TNKS: variants seen among roughly 807,000 people sequenced by gnomAD.
TNKS encodes the protein poly [ADP-ribose] polymerase tankyrase-1.
TNKS carries 72 observed loss-of-function variants against 135.8 expected under a neutral mutation model. That is an observed-to-expected ratio of 0.53 (90% CI 0.44 to 0.64). TNKS has a LOEUF of 0.64. TNKS is among the 30% of genes least tolerant of loss of function. TNKS has a pLI of 0.00. For missense variants in TNKS, 1,769 were observed against 1,674.0 expected, an observed-to-expected ratio of 1.06 and a Z score of -0.99; for synonymous variants, 849 against 649.3, an observed-to-expected ratio of 1.31 and a Z score of -4.68.
At chr8:9,748,853 T>C (rs376193060) in intron 18 of TNKS, among the ~76,000 whole-genome samples, 1 of 152,210 alleles carries the variant, frequency 6.6e-6, no homozygotes, top group East Asian at 1.9e-4. Flanking sequence ...TGGTCTTACC[T>C]GGGGTCACTT....
At chr8:9,565,165 G>T (rs1797477317) in intron 1 of TNKS, among the ~76,000 whole-genome samples, 1 of 152,080 alleles carries the variant, frequency 6.6e-6, no homozygotes. Flanking sequence ...ATCTTGTTTT[G>T]CCAGTTTGTT....
intron 20 of TNKS, among the ~76,000 whole-genome samples, chr8:9,755,161 T>A (rs1806767930): frequency 6.6e-6 from 1 of 152,256 alleles, no homozygotes; most frequent in Non-Finnish European, 1.5e-5. Context: ...GTGTTCTTTT[T>A]AAATTTATAT....
chr8:9,772,262 T>TG (rs1292880280), intron 26 of TNKS: 9 of 405,492 alleles, frequency 2.2e-5, no homozygotes, highest in African/African-American at 6.3e-5. Flanking sequence ...CAAAGGGGGC[T>TG]GGGGGGAGGA....
At chr8:9,764,299 A>G (rs1807308684) in intron 22 of TNKS, among the ~76,000 whole-genome samples, 2 of 152,032 alleles carry the variant, frequency 1.3e-5, no homozygotes, top group African/African-American at 4.8e-5. Flanking sequence ...GCTGAAGACT[A>G]TTGAGATAAT....
intron 15 of TNKS, among the ~76,000 whole-genome samples, chr8:9,734,264 C>T (rs752542572): frequency 1.3e-5 from 2 of 151,890 alleles, no homozygotes; most frequent in Non-Finnish European, 2.9e-5. Context: ...AGTCTGTGGC[C>T]GACCCATAAT....
chr8:9,572,544 T>C (rs564251863), intron 1 of TNKS, among the ~76,000 whole-genome samples: 1 of 152,246 alleles, frequency 6.6e-6, no homozygotes, highest in African/African-American at 2.4e-5. Context: ...CTTTCCCTAA[T>C]TCCTAGTTTC....
intron 3 of TNKS, among the ~76,000 whole-genome samples, chr8:9,676,686 C>CTCTCTGTGTGTGTGTGTGTGTGTG (rs1554467464): frequency 8.8e-5 from 13 of 147,786 alleles, no homozygotes; most frequent in African/African-American, 2.8e-4. Flanking sequence ...CTCTCTCTCT[C>CTCTCTGTGTGTGTGTGTGTGTGTG]TGTGTGTGTG....
chr8:9,751,532 T>C lies in TNKS; in HGVS notation c.2833-77T>C, dbSNP rs1423578866. ...TTCATTAAGGAAAAAATCCACAAAGTATTTGGTTATCAGTGAAAAACTTAC... is the reference window on the plus strand; with the variant it reads ...TTCATTAAGGAAAAAATCCACAAAGCATTTGGTTATCAGTGAAAAACTTAC... On this transcript the variant is annotated intron_variant, in intron 18 of 26. Transcript: ENST00000310430. 2.2e-6 allele frequency: 3 copies of C among 1,340,504 alleles called. No homozygotes were observed. The East Asian group carries it at 6.9e-5, about 31-fold the overall frequency. The allele number at this position is 1,340,504 out of a possible 1,614,324, so 83.0% of individuals were successfully genotyped here. A position where few individuals can be genotyped will look rare whatever the true frequency, so the allele number is the denominator to read the frequency against.
At chr8:9,665,334 G>A (rs1585300639) in intron 3 of TNKS, among the ~76,000 whole-genome samples, 1 of 152,216 alleles carries the variant, frequency 6.6e-6, no homozygotes, top group Non-Finnish European at 1.5e-5. Context: ...GCAGGACATT[G>A]CCTTTATCCT....
intron 21 of TNKS, among the ~76,000 whole-genome samples, chr8:9,762,461 T>G (rs1407360716): frequency 6.6e-6 from 1 of 152,128 alleles, no homozygotes; most frequent in Non-Finnish European, 1.5e-5. Context: ...AGGATAATTT[T>G]TATATTTTAG....
intron 3 of TNKS, chr8:9,679,733 T>G (rs933581836): frequency 1.4e-5 from 7 of 499,594 alleles, no homozygotes; most frequent in Non-Finnish European, 2.5e-5. Context: ...CTATTTCATC[T>G]GAGGATTGGA....
At chr8:9,590,634 C>T (rs2128754476) in intron 2 of TNKS, among the ~76,000 whole-genome samples, 1 of 152,280 alleles carries the variant, frequency 6.6e-6, no homozygotes, top group East Asian at 1.9e-4. Context: ...GCCAGAACCT[C>T]AGTGTGGTTT....
At chr8:9,621,506 A>G (rs1004743900) in intron 3 of TNKS, among the ~76,000 whole-genome samples, 11 of 152,102 alleles carry the variant, frequency 7.2e-5, no homozygotes, top group Non-Finnish European at 1.2e-4. Context: ...GGGTTTCACT[A>G]TGTTGGTCAG....
intron 3 of TNKS, among the ~76,000 whole-genome samples, chr8:9,629,046 T>G (rs1800179134): frequency 6.6e-6 from 1 of 152,258 alleles, no homozygotes; most frequent in African/African-American, 2.4e-5. Flanking sequence ...TCCATTTTTC[T>G]TAGTTGTTGT....
At chr8:9,674,490 T>C (rs972783687) in intron 3 of TNKS, among the ~76,000 whole-genome samples, 2 of 152,204 alleles carry the variant, frequency 1.3e-5, no homozygotes, top group South Asian at 2.1e-4. Flanking sequence ...TAACTTCTTA[T>C]ATGCTCATTA....
At chr8:9,580,055 C>CTACTCTAT in intron 1 of TNKS, 104 bp from the exon 2 acceptor site, 2 of 874,336 alleles carry the variant, frequency 2.3e-6, no homozygotes, top group Admixed American at 4.0e-5. Context: ...CTATAGAGTG[C>CTACTCTAT]AGTACTTCAG....
At chr8:9,713,907 C>G (rs1389008902) in intron 11 of TNKS, among the ~76,000 whole-genome samples, 1 of 152,132 alleles carries the variant, frequency 6.6e-6, no homozygotes, top group African/African-American at 2.4e-5. Flanking sequence ...TCAGGCAACT[C>G]ATGGTTTCCA....
chr8:9,713,542 C>G (rs1210236546), intron 11 of TNKS, among the ~76,000 whole-genome samples: 7 of 152,186 alleles, frequency 4.6e-5, no homozygotes, highest in Non-Finnish European at 1.0e-4. Context: ...TAGTTCATTA[C>G]TAGCCCTGTC....
intron 2 of TNKS, among the ~76,000 whole-genome samples, chr8:9,587,221 A>C (rs910946954): frequency 1.3e-5 from 2 of 152,112 alleles, no homozygotes; most frequent in Non-Finnish European, 2.9e-5. Flanking sequence ...AGGGAGGCAG[A>C]GAGAAAGTCA....
Sources: allele counts gnomAD v4.1 joint callset (sites outside exome capture counted in the v4.1 genomes callset), GRCh38; gene constraint gnomAD v4.1.1; transcripts MANE v1.5; gene names NCBI Gene and HGNC (gene_info 2026-07-23, HGNC 2026-07-21).